The following EGFR variants were observed in gnomAD, a reference collection of about 807,000 sequenced individuals.
EGFR encodes avian erythroblastic leukemia viral (v-erb-b) oncogene homolog.
Under a neutral mutation model 143.0 loss-of-function variants are expected in EGFR, and 58 were observed. That is an observed-to-expected ratio of 0.41 (90% CI 0.33 to 0.50). The LOEUF is 0.50. EGFR is among the 20% of genes least tolerant of loss of function. The pLI is 0.39. For synonymous variants in EGFR, 613 were observed against 594.4 expected (o/e 1.03, Z -0.45); for missense variants, 1,307 against 1,579.0 (o/e 0.83, Z 2.92).
chr7:55,094,025 G>C (rs755239827), intron 1 of EGFR, among the ~76,000 whole-genome samples: 1 of 152,184 alleles, frequency 6.6e-6, no homozygotes, highest in African/African-American at 2.4e-5. Flanking sequence ...ACAGTAGAGC[G>C]TGTGTAACGT....
rs1583665997 is a variant in EGFR at position 55,205,668 on chromosome 7, G to A, written c.*51G>A. 6.2e-7 allele frequency: 1 copy of A among 1,613,290 alleles called. No individual in the cohort carries two copies. The highest frequency in any genetic ancestry group is 1.1e-5 in the South Asian group (1 of 90,928). ...AAATCCAGACTCTTTCGATACCCAG[G>A]ACCAAGCCACAGCAGGTCCTCCATC... is the stretch of plus-strand genomic sequence containing the variant. On this transcript the variant is annotated 3_prime_UTR_variant, in exon 28 of 28. Coordinates refer to ENST00000275493, the MANE Select transcript of EGFR (RefSeq NM_005228.5).
chr7:55,149,497 TG>T (rs1373912073), intron 4 of EGFR, among the ~76,000 whole-genome samples: 1 of 152,196 alleles, frequency 6.6e-6, no homozygotes, highest in East Asian at 1.9e-4. Flanking sequence ...GCAAAGTATT[TG>T]GGTTCCTTTT....
chr7:55,183,559 G>A (rs1786990749), intron 20 of EGFR, among the ~76,000 whole-genome samples: 1 of 152,162 alleles, frequency 6.6e-6, no homozygotes, highest in African/African-American at 2.4e-5. Flanking sequence ...GGTCAGCCTG[G>A]GGCAGATGTT....
intron 1 of EGFR, among the ~76,000 whole-genome samples, chr7:55,128,905 A>G (rs964557728): frequency 6.6e-6 from 1 of 152,202 alleles, no homozygotes; most frequent in Admixed American, 6.5e-5. Flanking sequence ...TCATTACTCA[A>G]CTGCCATATT....
chr7:55,099,709 G>A (rs544475130), intron 1 of EGFR, among the ~76,000 whole-genome samples: 58 of 152,222 alleles, frequency 3.8e-4, no homozygotes, highest in Non-Finnish European at 6.5e-4. Context: ...CTCCTGGGAC[G>A]GTGTGCCGAC....
At chr7:55,041,565 T>C (rs1448096772) in intron 1 of EGFR, among the ~76,000 whole-genome samples, 2 of 152,218 alleles carry the variant, frequency 1.3e-5, no homozygotes, top group African/African-American at 4.8e-5. Context: ...CACCGTTGCA[T>C]TCAAATACAC....
At position 55,206,802 on chromosome 7, in the gene EGFR, T is replaced by C. The variant is rs1232530856; in HGVS notation, c.*1185T>C. The C allele has an allele frequency of 1.7e-5, 4 of 233,304 alleles. No homozygotes were observed. The highest frequency in any genetic ancestry group is 1.2e-4 in the East Asian group (2 of 16,582). 14.5% of individuals were successfully genotyped at this position (233,304 alleles called of 1,614,324 possible). ...TCCTTACGCTTTGTCACACAAAAAGTGTCTCTGCCTTGAGTCATCTATTCA... is the reference window on the plus strand; with the variant it reads ...TCCTTACGCTTTGTCACACAAAAAGCGTCTCTGCCTTGAGTCATCTATTCA... On this transcript the variant is annotated 3_prime_UTR_variant, in exon 28 of 28. Transcript: ENST00000275493.
chr7:55,170,400 C>T (rs376733874), intron 15 of EGFR: 130 of 1,614,054 alleles, frequency 8.1e-5, no homozygotes, highest in Non-Finnish European at 1.1e-4. Context: ...CCCACCAGAG[C>T]GGGAGCCCAG....
chr7:55,201,051 G>C (rs2128971208), intron 24 of EGFR, 137 bp from the exon 25 acceptor site: 1 of 1,076,278 alleles, frequency 9.3e-7, no homozygotes, highest in Non-Finnish European at 1.4e-6. Flanking sequence ...ATAATTTAGA[G>C]AACCAAGGGG....
intron 25 of EGFR, 144 bp from the exon 26 acceptor site, chr7:55,201,591 C>A (rs2128972239): frequency 1.7e-6 from 2 of 1,201,996 alleles, no homozygotes; most frequent in Non-Finnish European, 2.4e-6. Context: ...AAAACTAAAC[C>A]TAGTTGCTCT....
chr7:55,126,102 A>G (rs1265315078), intron 1 of EGFR, among the ~76,000 whole-genome samples: 3 of 152,114 alleles, frequency 2.0e-5, no homozygotes, highest in Non-Finnish European at 4.4e-5. Flanking sequence ...TTAGAAGCCC[A>G]GCTGAACTGC....
chr7:55,090,558 G>A (rs1478467100), intron 1 of EGFR, among the ~76,000 whole-genome samples: 1 of 152,122 alleles, frequency 6.6e-6, no homozygotes, highest in Non-Finnish European at 1.5e-5. Flanking sequence ...ATTTAAAAGG[G>A]TAGAAAGCAC....
At chr7:55,078,280 A>C (rs1790246252) in intron 1 of EGFR, among the ~76,000 whole-genome samples, 1 of 151,096 alleles carries the variant, frequency 6.6e-6, no homozygotes, top group Admixed American at 6.6e-5. Flanking sequence ...CCGCGTCCTC[A>C]CTGTCCTGGG....
intron 1 of EGFR, among the ~76,000 whole-genome samples, chr7:55,059,477 C>G (rs1789038782): frequency 6.6e-6 from 1 of 151,910 alleles, no homozygotes; most frequent in Non-Finnish European, 1.5e-5. Flanking sequence ...ACATTATTCA[C>G]TAAAGCCCAC....
rs575580387 is a variant in EGFR, at chr7:55,124,151, A to T, written c.89-18135A>T. 7.9e-5 allele frequency among the ~76,000 whole-genome samples: 12 copies of T among 152,356 alleles called. No individual in the cohort carries two copies. The South Asian group carries it at 2.1e-3, about 26-fold the overall frequency. On this transcript the variant is annotated intron_variant, in intron 1 of 27. Coordinates refer to ENST00000275493, the MANE Select transcript of EGFR (RefSeq NM_005228.5). ...TATAGGAAAAACTTTTCTCCCTATC[A>T]GTCATGGTTTTAAAATGTTCAGACT...
intron 1 of EGFR, among the ~76,000 whole-genome samples, chr7:55,133,191 C>G (rs933210090): frequency 6.6e-6 from 1 of 152,196 alleles, no homozygotes; most frequent in African/African-American, 2.4e-5. Context: ...TGCACATCAC[C>G]TTGCTAGGGT....
chr7:55,022,503 G>C (rs1237933950), intron 1 of EGFR, among the ~76,000 whole-genome samples: 1 of 152,160 alleles, frequency 6.6e-6, no homozygotes, highest in East Asian at 1.9e-4. Flanking sequence ...GGGTGAAGGT[G>C]GACAAGTCAC....
At chr7:55,025,217 G>A (rs946428807) in intron 1 of EGFR, among the ~76,000 whole-genome samples, 2 of 152,208 alleles carry the variant, frequency 1.3e-5, no homozygotes, top group African/African-American at 2.4e-5. Context: ...TGCAGCAGCG[G>A]TTTGGGGAAT....
chr7:55,168,495 T>C, intron 15 of EGFR: 2 of 1,315,212 alleles, frequency 1.5e-6, no homozygotes, highest in Non-Finnish European at 2.2e-6. Flanking sequence ...AGTGGTCATT[T>C]TTCTAATGTC....
Sources: gnomAD v4.1 joint callset for allele counts (sites outside exome capture counted in the v4.1 genomes callset) on GRCh38, gnomAD v4.1.1 for gene constraint, MANE v1.5 for transcripts, NCBI Gene and HGNC (gene_info 2026-07-23, HGNC 2026-07-21) for gene names.